The following RABGAP1L variants were observed in gnomAD, a reference collection of about 807,000 sequenced individuals.
The protein encoded by RABGAP1L is RAB GTPase activating protein 1 like, also known as rab GTPase-activating protein 1-like.
A neutral mutation model predicts 137.7 loss-of-function variants in RABGAP1L; 63 were observed. The ratio of observed to expected loss-of-function variants is 0.46; its 90% CI spans 0.37 to 0.56. The LOEUF (loss-of-function observed/expected upper bound fraction) is 0.56. Ranked by LOEUF, RABGAP1L falls within the 20% of genes least tolerant of loss-of-function variation. RABGAP1L has a pLI of 0.00. For missense variants in RABGAP1L, 1,095 were observed against 1,244.0 expected (o/e 0.88, Z 1.80); for synonymous variants, 431 against 433.7 (o/e 0.99, Z 0.08).
intron 1 of RABGAP1L, among the ~76,000 whole-genome samples, chr1:174,170,407 G>A (rs1010655700): frequency 2.0e-5 from 3 of 152,114 alleles, no homozygotes; most frequent in African/African-American, 7.2e-5. Flanking sequence ...GCCAGGCGCC[G>A]TGGCTCATGC....
intron 13 of RABGAP1L, among the ~76,000 whole-genome samples, chr1:174,603,943 T>C (rs1328010685): frequency 1.3e-5 from 2 of 150,922 alleles, no homozygotes; most frequent in African/African-American, 2.4e-5. Flanking sequence ...TCCTTTTTAC[T>C]CTCCCCTCTC....
Position 174,159,573 on chromosome 1 carries a change from C to T in RABGAP1L, c.-118C>T, listed in dbSNP as rs1664234181. ...CGGTGGCGGAGCGAACGGGACCGGC[C>T]CGGCTTCAGAGCGCGAGGTGGAGGG... On this transcript the variant is annotated 5_prime_UTR_variant, in exon 1 of 26. Coordinates refer to ENST00000681986, the MANE Select transcript of RABGAP1L (RefSeq NM_001366446.1). 1 of 152,422 alleles carries T rather than the reference C, an allele frequency of 6.6e-6. No homozygotes were observed. The highest frequency in any genetic ancestry group is 1.5e-5 in the Non-Finnish European group (1 of 68,196). The allele number at this position is 152,422 out of a possible 1,614,324, so 9.4% of individuals were successfully genotyped here. A position where few individuals can be genotyped will look rare whatever the true frequency, so the allele number is the denominator to read the frequency against.
intron 13 of RABGAP1L, among the ~76,000 whole-genome samples, chr1:174,416,426 G>A (rs2149147414): frequency 6.6e-6 from 1 of 152,100 alleles, no homozygotes; most frequent in East Asian, 1.9e-4. Flanking sequence ...ATTTTTAGCA[G>A]ACCTTATTTG....
At chr1:174,264,825 A>C (rs1310529888) in intron 7 of RABGAP1L, among the ~76,000 whole-genome samples, 2 of 152,120 alleles carry the variant, frequency 1.3e-5, no homozygotes, top group Non-Finnish European at 2.9e-5. Context: ...TGTAGATAAA[A>C]GAAAAAAATT....
chr1:174,307,885 A>T (rs1572011894), intron 11 of RABGAP1L, among the ~76,000 whole-genome samples: 2 of 152,042 alleles, frequency 1.3e-5, no homozygotes, highest in South Asian at 4.2e-4. Context: ...TTTTTGAGGA[A>T]CCACCATAGT....
intron 13 of RABGAP1L, among the ~76,000 whole-genome samples, chr1:174,534,284 AAAAAC>A (rs1310199250): frequency 1.3e-5 from 2 of 152,028 alleles, no homozygotes; most frequent in African/African-American, 4.8e-5. Context: ...TCAATAGTTT[AAAAAC>A]AAAACAAAAC....
intron 11 of RABGAP1L, among the ~76,000 whole-genome samples, chr1:174,338,599 C>T (rs1681694372): frequency 6.7e-6 from 1 of 149,898 alleles, no homozygotes; most frequent in African/African-American, 2.5e-5. Context: ...TTGATTTTAA[C>T]CTATTTAGTG....
At chr1:174,174,022 CTT>C (rs907500647) in intron 1 of RABGAP1L, among the ~76,000 whole-genome samples, 1 of 152,034 alleles carries the variant, frequency 6.6e-6, no homozygotes, top group African/African-American at 2.4e-5. Flanking sequence ...AAATAAAGCT[CTT>C]TAGGCTGTCG....
intron 13 of RABGAP1L, among the ~76,000 whole-genome samples, chr1:174,534,075 A>AT (rs1664672331): frequency 6.6e-6 from 1 of 150,656 alleles, no homozygotes; most frequent in Admixed American, 6.6e-5. Flanking sequence ...TTATACATGG[A>AT]TTTTTGACTG....
At chr1:174,753,527 A>G (rs1433497699) in intron 18 of RABGAP1L, among the ~76,000 whole-genome samples, 1 of 152,196 alleles carries the variant, frequency 6.6e-6, no homozygotes. Flanking sequence ...ACACTTTTTA[A>G]AATTAAATCG....
intron 14 of RABGAP1L, among the ~76,000 whole-genome samples, chr1:174,642,414 A>G (rs575250402): frequency 6.6e-6 from 1 of 152,224 alleles, no homozygotes; most frequent in Non-Finnish European, 1.5e-5. Flanking sequence ...GGAGAATGCA[A>G]ATAATCACTG....
At chr1:174,417,256 C>A (rs1032004630) in intron 13 of RABGAP1L, among the ~76,000 whole-genome samples, 2 of 152,094 alleles carry the variant, frequency 1.3e-5, no homozygotes, top group Non-Finnish European at 2.9e-5. Flanking sequence ...TTTATGAAGC[C>A]AATTTGAATT....
intron 11 of RABGAP1L, among the ~76,000 whole-genome samples, chr1:174,370,695 C>T (rs905041289): frequency 2.7e-5 from 4 of 150,384 alleles, no homozygotes; most frequent in African/African-American, 9.9e-5. Flanking sequence ...GTTGTGCTAC[C>T]ATTAGCCTTT....
chr1:174,620,601 A>C (rs954730991), intron 13 of RABGAP1L, among the ~76,000 whole-genome samples: 1 of 152,228 alleles, frequency 6.6e-6, no homozygotes, highest in Admixed American at 6.5e-5. Context: ...ACAAAGACAC[A>C]ACGTACCAGA....
chr1:174,920,447 A>G (rs555788835), intron 19 of RABGAP1L, among the ~76,000 whole-genome samples: 2 of 152,358 alleles, frequency 1.3e-5, no homozygotes, highest in East Asian at 3.9e-4. Flanking sequence ...ACCTCTGACC[A>G]GGTTCCTCTC....
At chr1:174,973,979 G>GT (rs58500594) in intron 21 of RABGAP1L, among the ~76,000 whole-genome samples, 1,533 of 85,816 alleles carry the variant, frequency 0.018, 78 homozygotes, top group Non-Finnish European at 0.022. Flanking sequence ...ATTGTTTTTT[G>GT]TTTTTTTTTT....
At chr1:174,961,973 T>G (rs1475405299) in intron 20 of RABGAP1L, among the ~76,000 whole-genome samples, 1 of 150,730 alleles carries the variant, frequency 6.6e-6, no homozygotes, top group Non-Finnish European at 1.5e-5. Context: ...CTGGCTAACA[T>G]GGTGAAACCC....
intron 18 of RABGAP1L, among the ~76,000 whole-genome samples, chr1:174,753,489 C>T (rs1427752129): frequency 6.6e-6 from 1 of 152,154 alleles, no homozygotes; most frequent in Admixed American, 6.5e-5. Context: ...TTCCTTTACA[C>T]ATTTGCTCTT....
intron 14 of RABGAP1L, among the ~76,000 whole-genome samples, chr1:174,652,981 C>G (rs909281177): frequency 6.6e-6 from 1 of 152,182 alleles, no homozygotes; most frequent in African/African-American, 2.4e-5. Flanking sequence ...GCCTTTCTTT[C>G]AGAGAAGCCC....
Sources: gnomAD v4.1 joint callset for allele counts (sites outside exome capture counted in the v4.1 genomes callset) on GRCh38, gnomAD v4.1.1 for gene constraint, MANE v1.5 for transcripts, NCBI Gene and HGNC (gene_info 2026-07-23, HGNC 2026-07-21) for gene names.